The following SPINK5 variants were observed in gnomAD, a reference collection of about 807,000 sequenced individuals.
SPINK5 encodes serine protease inhibitor Kazal-type 5.
SPINK5 carries 125 observed loss-of-function variants against 151.8 expected under a neutral mutation model. The ratio of observed to expected loss-of-function variants is 0.82; its 90% CI spans 0.71 to 0.96. SPINK5 has a LOEUF of 0.96. Among genes scored for constraint, SPINK5 ranks in the 40% least tolerant of loss-of-function variants. The pLI is 0.00. For synonymous variants in SPINK5, 374 were observed against 395.3 expected (o/e 0.95, Z 0.64); for missense variants, 1,194 against 1,291.9 (o/e 0.92, Z 1.16).
At chr5:148,086,951 A>G (rs1385914917) in intron 5 of SPINK5, among the ~76,000 whole-genome samples, 3 of 73,330 alleles carry the variant, frequency 4.1e-5, no homozygotes, top group African/African-American at 7.3e-5. Context: ...TATCATATAT[A>G]ACAGATTATA....
rs112355744 is a variant in SPINK5 at position 148,105,275 on chromosome 5, C to T, written c.1479+275C>T. ...CCCATATTTGGCTTTTATTAGATTT[C>T]TGTTGTTAGAGTATTAACTTATGCC... On this transcript the variant is annotated intron_variant, in intron 16 of 32. Transcript: ENST00000256084. 0.011 allele frequency among the ~76,000 whole-genome samples: 1,737 copies of T among 152,190 alleles called. 17 individuals are homozygous for T. The highest frequency in any genetic ancestry group is 0.018 in the Non-Finnish European group (1,191 of 67,996).
chr5:148,108,907 CCCT>C (rs1206007439), intron 18 of SPINK5, 70 bp downstream of exon 18: 38 of 1,596,106 alleles, frequency 2.4e-5, no homozygotes, highest in Admixed American at 1.0e-4. Context: ...GGCTCCTATT[CCCT>C]CCTCCTCATT....
intron 4 of SPINK5, among the ~76,000 whole-genome samples, chr5:148,074,067 T>A (rs1173656679): frequency 1.3e-5 from 2 of 151,746 alleles, no homozygotes; most frequent in Non-Finnish European, 2.9e-5. Context: ...TACCATGTGT[T>A]TTTTGTTGTT....
chr5:148,107,212 GC>G, intron 17 of SPINK5, 48 bp downstream of exon 17: 2 of 1,598,120 alleles, frequency 1.3e-6, no homozygotes, highest in Non-Finnish European at 1.7e-6. Flanking sequence ...ATCCATGATC[GC>G]CCCTGAGTCT....
intron 7 of SPINK5, chr5:148,090,915 T>G: frequency 2.0e-6 from 1 of 508,588 alleles, no homozygotes; most frequent in South Asian, 2.5e-5. Context: ...TCACACCCTT[T>G]CTTACTATAG....
chr5:148,110,432 T>C (rs1455365807), intron 18 of SPINK5, among the ~76,000 whole-genome samples: 2 of 152,204 alleles, frequency 1.3e-5, no homozygotes, highest in Non-Finnish European at 2.9e-5. Flanking sequence ...TGGCTCAGAC[T>C]GTGTGTTAAC....
Position 148,108,750 on chromosome 5 carries a change from C to A in SPINK5, c.1608-3C>A, listed in dbSNP as rs952857152. On this transcript the variant is annotated splice_region_variant and splice_polypyrimidine_tract_variant and intron_variant, in intron 17 of 32. Coordinates refer to ENST00000256084, the MANE Select transcript of SPINK5 (RefSeq NM_006846.4). ...CAGCCTATATCTTCTTTTTCTATTACAGCAAACTTGAAGAAGAAGAGAAGA... is the reference window on the plus strand; with the variant it reads ...CAGCCTATATCTTCTTTTTCTATTAAAGCAAACTTGAAGAAGAAGAGAAGA... 1.2e-6 allele frequency: 2 copies of A among 1,610,254 alleles called. No individual in the cohort carries two copies. The highest frequency in any genetic ancestry group is 2.7e-5 in the African/African-American group (2 of 74,700).
At chr5:148,073,463 CA>C (rs1752793837) in intron 4 of SPINK5, among the ~76,000 whole-genome samples, 1 of 151,812 alleles carries the variant, frequency 6.6e-6, no homozygotes, top group African/African-American at 2.4e-5. Context: ...TTATATTCTA[CA>C]AAATCTGTGG....
chr5:148,096,269 A>C (rs1753458309), intron 10 of SPINK5, among the ~76,000 whole-genome samples: 1 of 152,004 alleles, frequency 6.6e-6, no homozygotes, highest in Non-Finnish European at 1.5e-5. Context: ...ATCAATGTTG[A>C]ATTTTAATGT....
In SPINK5 at chr5:148,064,104, G is replaced by A. The variant is rs771559822; in HGVS notation, c.55+5G>A. The stretch of plus-strand genomic sequence containing the variant: ...TGGCTCTTTGCCTCATACAAGGTGA[G>A]CAATTTGTGTGTAATCTAAGCCTCT... On this transcript the variant is annotated splice_donor_5th_base_variant and intron_variant, in intron 1 of 32. Transcript: ENST00000256084. 1.2e-6 allele frequency: 2 copies of A among 1,613,980 alleles called. No homozygotes were observed. The highest frequency in any genetic ancestry group is 2.2e-5 in the East Asian group (1 of 44,882).
At chr5:148,068,673 G>C (rs924405720) in intron 2 of SPINK5, among the ~76,000 whole-genome samples, 1 of 151,690 alleles carries the variant, frequency 6.6e-6, no homozygotes, top group Admixed American at 6.6e-5. Flanking sequence ...TTTGGAACAG[G>C]TTGTGTTTGT....
At chr5:148,071,634 T>G (rs2127191064) in intron 3 of SPINK5, among the ~76,000 whole-genome samples, 1 of 151,638 alleles carries the variant, frequency 6.6e-6, no homozygotes, top group Non-Finnish European at 1.5e-5. Context: ...GTTATTCAAT[T>G]ATTATTTTTA....
chr5:148,068,578 A>AAAAGAAAGAAAGAAAG (rs1554101970), intron 2 of SPINK5, among the ~76,000 whole-genome samples: 18 of 74,390 alleles, frequency 2.4e-4, no homozygotes, highest in African/African-American at 1.2e-3. Context: ...AAAAAAAAAA[A>AAAAGAAAGAAAGAAAG]AAAGAAAGAA....
chr5:148,101,920 A>G lies in SPINK5; in HGVS notation c.1430+12A>G. ...TGTGAGGCCTTCTTGTGAGTAGAGC[A>G]GTAGCCCCATAGCGTCTGAGGATTG... On this transcript the variant is annotated intron_variant, in intron 15 of 32. Transcript: ENST00000256084. 1 of 1,613,428 alleles carries G rather than the reference A, an allele frequency of 6.2e-7. No homozygotes were observed. The highest frequency in any genetic ancestry group is 8.5e-7 in the Non-Finnish European group (1 of 1,179,512).
At chr5:148,110,318 G>A (rs1017010744) in intron 18 of SPINK5, among the ~76,000 whole-genome samples, 2 of 151,902 alleles carry the variant, frequency 1.3e-5, no homozygotes, top group East Asian at 3.9e-4. Flanking sequence ...TTCCATACTG[G>A]AGAGTTCACC....
intron 22 of SPINK5, 112 bp downstream of exon 22, chr5:148,116,578 C>G: frequency 9.3e-7 from 1 of 1,072,542 alleles, no homozygotes; most frequent in Non-Finnish European, 1.4e-6. Context: ...CTTGAGAGAA[C>G]AGAGAAGTTT....
rs768002529 is a variant in SPINK5, at chr5:148,131,224, A to G, written c.2965-35A>G. 66 of 1,612,998 alleles carry G rather than the reference A, an allele frequency of 4.1e-5. No homozygotes were observed. In the South Asian group the frequency reaches 7.0e-4, roughly 17 times the overall value. On this transcript the variant is annotated intron_variant, in intron 30 of 32. Transcript: ENST00000256084. ...AAGCCCACCCCTCTTCTTGAATGCC[A>G]TAAAGTACGTCTGCTTTATTTTTTG... is the stretch of plus-strand genomic sequence containing the variant.
intron 4 of SPINK5, among the ~76,000 whole-genome samples, chr5:148,079,330 A>G (rs1175684569): frequency 6.6e-6 from 1 of 151,198 alleles, no homozygotes; most frequent in South Asian, 2.1e-4. Flanking sequence ...GGCAATTTCC[A>G]TTATATACTG....
At chr5:148,133,766 CG>C (rs780529025) in intron 31 of SPINK5, 30 bp from the exon 32 acceptor site, 1 of 1,607,382 alleles carries the variant, frequency 6.2e-7, no homozygotes, top group Non-Finnish European at 8.5e-7. Flanking sequence ...AGAACTTCCT[CG>C]TTGTTGAAGC....
Sources: gnomAD v4.1 joint callset for allele counts (sites outside exome capture counted in the v4.1 genomes callset) on GRCh38, gnomAD v4.1.1 for gene constraint, MANE v1.5 for transcripts, NCBI Gene and HGNC (gene_info 2026-07-23, HGNC 2026-07-21) for gene names.